SPAM1: variants seen among roughly 807,000 people sequenced by gnomAD.
SPAM1 encodes the protein sperm adhesion molecule 1, also known as hyaluronidase PH-20.
SPAM1 carries 22 observed loss-of-function variants against 29.6 expected under a neutral mutation model. The ratio of observed to expected loss-of-function variants is 0.74; its 90% confidence interval spans 0.53 to 1.06. SPAM1 has a LOEUF of 1.06. Among genes scored for constraint, SPAM1 ranks in the 50% least tolerant of loss-of-function variants. The probability of loss-of-function intolerance (pLI) is 0.00; values close to 1 mark genes in which losing one functional copy is unlikely to be tolerated. For synonymous variants in SPAM1, 194 were observed against 204.6 expected (o/e 0.95, Z 0.44); for missense variants, 534 against 604.0 (o/e 0.88, Z 1.21).
Position 123,954,207 on chromosome 7 carries a change from A to C in SPAM1, c.637A>C (p.Asn213His). The change falls in exon 3 of 5, where the codon AAT (asparagine) becomes CAT (histidine). Residue 213 changes from asparagine to histidine, a missense_variant. Coordinates refer to ENST00000682466, the MANE Select transcript of SPAM1 (RefSeq NM_153189.3). ...TIKLGKLLRP[N>H]HLWGYYLFPD... ...AAAATTGGGAAAATTACTTCGGCCAAATCACTTGTGGGGTTATTATCTTTT... is the reference window on the plus strand; with the variant it reads ...AAAATTGGGAAAATTACTTCGGCCACATCACTTGTGGGGTTATTATCTTTT... The C allele has an allele frequency of 6.2e-7, 1 of 1,613,592 alleles. No individual in the cohort carries two copies. Among genetic ancestry groups the C allele is most frequent in the Non-Finnish European group, 8.5e-7 (1 of 1,179,740 alleles).
At chr7:123,935,592 A>C (rs1808224810) in intron 1 of SPAM1, among the ~76,000 whole-genome samples, 1 of 152,156 alleles carries the variant, frequency 6.6e-6, no homozygotes, top group Non-Finnish European at 1.5e-5. Flanking sequence ...ACAGATAAGA[A>C]TTCTATTCTT....
chr7:123,929,374 T>A (rs1369933158), intron 1 of SPAM1, among the ~76,000 whole-genome samples: 2 of 152,154 alleles, frequency 1.3e-5, no homozygotes, highest in East Asian at 3.9e-4. Flanking sequence ...GTGTGTTTGT[T>A]ACCTGGGAGA....
At chr7:123,951,836 G>C (rs1383083342) in intron 2 of SPAM1, among the ~76,000 whole-genome samples, 2 of 152,046 alleles carry the variant, frequency 1.3e-5, no homozygotes, top group South Asian at 2.1e-4. Flanking sequence ...TGGTCAGGCT[G>C]GTCTCAAACT....
At chr7:123,954,878 G>A (rs1792213892) in intron 3 of SPAM1, 119 bp from the exon 4 acceptor site, 2 of 686,254 alleles carry the variant, frequency 2.9e-6, no homozygotes, top group Admixed American at 2.3e-5. Context: ...GATAGAAATA[G>A]TGGGGAAATA....
At chr7:123,934,465 A>G (rs1388310622) in intron 1 of SPAM1, among the ~76,000 whole-genome samples, 2 of 152,160 alleles carry the variant, frequency 1.3e-5, no homozygotes, top group Admixed American at 6.5e-5. Context: ...GAACTATCAT[A>G]TTACCCAGAA....
chr7:123,934,700 A>G (rs932884557), intron 1 of SPAM1, among the ~76,000 whole-genome samples: 11 of 152,168 alleles, frequency 7.2e-5, no homozygotes, highest in African/African-American at 2.7e-4. Context: ...AACATGGATG[A>G]GCCTGGAGGA....
At chr7:123,932,467 A>AACGTG (rs752185869) in intron 1 of SPAM1, 1 of 152,426 alleles carries the variant, frequency 6.6e-6, no homozygotes, top group African/African-American at 2.4e-5. Context: ...GAATAAAGAG[A>AACGTG]ACGTGAACCA....
intron 1 of SPAM1, chr7:123,932,331 A>T (rs1053689646): frequency 7.2e-5 from 11 of 152,366 alleles, no homozygotes; most frequent in African/African-American, 2.4e-4. Flanking sequence ...TGGAGAGCAC[A>T]GGAGACCTGA....
intron 2 of SPAM1, among the ~76,000 whole-genome samples, chr7:123,951,922 C>T (rs1323701217): frequency 6.6e-6 from 1 of 152,008 alleles, no homozygotes; most frequent in African/African-American, 2.4e-5. Context: ...ATGCCCAGCT[C>T]CCCATCTTTT....
chr7:123,959,941 T>G lies in SPAM1; in HGVS notation c.1502T>G (p.Leu501Arg), dbSNP rs758177125. 1.1e-5 allele frequency: 18 copies of G among 1,610,384 alleles called. No individual in the cohort carries two copies. The highest frequency in any genetic ancestry group is 1.7e-5 in the Admixed American group (1 of 59,666). Residue 501 changes from leucine (L) to arginine (R), a missense_variant, in exon 5 of 5, where the codon CTT becomes CGT. Coordinates refer to ENST00000682466, the MANE Select transcript of SPAM1 (RefSeq NM_153189.3). ...ATGTTCATTGTTAGTATTTTGTTTC[T>G]TATCATTTCTTCTGTAGCGAGTTTG... is the stretch of plus-strand genomic sequence containing the variant. Reference protein sequence around the residue: ...ATMFIVSILFLIISSVASL With the variant: ...ATMFIVSILFRIISSVASL
At position 123,955,028 on chromosome 7, in the gene SPAM1, T is replaced by G; in HGVS notation, c.986T>G (p.Val329Gly). The G allele has an allele frequency of 6.2e-7, 1 of 1,611,836 alleles. No homozygotes were observed. Among genetic ancestry groups the G allele is most frequent in the East Asian group, 2.2e-5 (1 of 44,772 alleles). ...DELVYTFGET[V>G]ALGASGIVIW... The stretch of plus-strand genomic sequence containing the variant: ...CTTGTGTATACATTTGGCGAAACTG[T>G]TGCTCTGGGTGCTTCTGGAATTGTA... The change falls in exon 4 of 5, where the codon GTT (valine) becomes GGT (glycine). Residue 329 changes from valine (V) to glycine (G), a missense_variant. Physicochemically the swap from Val to Gly is moderately radical, Grantham distance 109 (BLOSUM62 -3). Coordinates refer to ENST00000682466, the MANE Select transcript of SPAM1 (RefSeq NM_153189.3).
intron 4 of SPAM1, among the ~76,000 whole-genome samples, chr7:123,956,452 G>C (rs1792250009): frequency 6.6e-6 from 1 of 151,892 alleles, no homozygotes; most frequent in Non-Finnish European, 1.5e-5. Flanking sequence ...AAGTTTACTT[G>C]CAGTTACTGG....
chr7:123,949,923 T>A lies in SPAM1; in HGVS notation c.-267T>A, dbSNP rs1808705562. 1 of 152,070 alleles carries A rather than the reference T, an allele frequency of 6.6e-6. No individual in the cohort carries two copies. The highest frequency in any genetic ancestry group is 2.1e-4 in the South Asian group (1 of 4,834). The allele number at this position is 152,070 out of a possible 1,614,324, so 9.4% of individuals were successfully genotyped here. ...AGGAAGACATTGAGACCAGCCAACT[T>A]CTTGCCTTGATAACTACTGAAGAGA... On this transcript the variant is annotated 5_prime_UTR_variant, in exon 2 of 5. Coordinates refer to ENST00000682466, the MANE Select transcript of SPAM1 (RefSeq NM_153189.3).
chr7:123,949,735 G>A (rs1409429849), intron 1 of SPAM1, 137 bp from the exon 2 acceptor site: 1 of 152,064 alleles, frequency 6.6e-6, no homozygotes, highest in Non-Finnish European at 1.5e-5. Flanking sequence ...TAGTTCAAAG[G>A]ATTTAGCTAG....
At chr7:123,931,761 A>G (rs149644420) in intron 1 of SPAM1, among the ~76,000 whole-genome samples, 1 of 152,200 alleles carries the variant, frequency 6.6e-6, no homozygotes, top group East Asian at 1.9e-4. Context: ...TAGCCACTTG[A>G]TGCATCCCTG....
In SPAM1 at chr7:123,970,270, T is replaced by G. The variant is rs376774858; in HGVS notation, c.*22T>G. The G allele has an allele frequency of 8.4e-5, 130 of 1,547,678 alleles. 1 individual carries two copies. The African/African-American group carries it at 1.6e-3, about 19-fold the overall frequency. ...CTGAGAGTCATGAGGGAAAAATGTGTTTCAGGCCTCTTCCCTTGGCTTACA... is the reference window on the plus strand; with the variant it reads ...CTGAGAGTCATGAGGGAAAAATGTGGTTCAGGCCTCTTCCCTTGGCTTACA... On this transcript the variant is annotated 3_prime_UTR_variant, in exon 6 of 7. Transcript: ENST00000340011.
At chr7:123,958,586 G>T (rs977414751) in intron 4 of SPAM1, among the ~76,000 whole-genome samples, 6 of 152,002 alleles carry the variant, frequency 3.9e-5, no homozygotes, top group African/African-American at 1.4e-4. Flanking sequence ...CCAACACTGT[G>T]GAAGGATGGG....
In SPAM1 at chr7:123,954,254, C is replaced by T. The variant is rs1178185085; in HGVS notation, c.684C>T (p.His228=). 19 of 1,612,764 alleles carry T rather than the reference C, an allele frequency of 1.2e-5. No homozygotes were observed. Among genetic ancestry groups the T allele is most frequent in the Non-Finnish European group, 1.4e-5 (17 of 1,179,570 alleles). Residue 228 remains histidine, a synonymous_variant, in exon 3 of 5, where the codon CAC becomes CAT. Transcript: ENST00000682466. ...YYLFPDCYNH[H]YKKPGYNGSC... ...TTTTTCCGGATTGTTACAACCATCA[C>T]TATAAGAAACCCGGTTACAATGGAA...
At chr7:123,952,970 T>A (rs1470744568) in intron 2 of SPAM1, among the ~76,000 whole-genome samples, 2 of 151,788 alleles carry the variant, frequency 1.3e-5, no homozygotes, top group African/African-American at 2.4e-5. Context: ...TATGAAAGGT[T>A]GTTTTAGTAT....
Sources: allele counts gnomAD v4.1 joint callset (sites outside exome capture counted in the v4.1 genomes callset), GRCh38; gene constraint gnomAD v4.1.1; transcripts MANE v1.5; gene names NCBI Gene and HGNC (gene_info 2026-07-23, HGNC 2026-07-21).